The following MMP26 variants were observed in gnomAD, a reference collection of about 807,000 sequenced individuals.
MMP26 encodes matrix metalloproteinase-26.
Under a neutral mutation model 31.0 loss-of-function variants are expected in MMP26, and 33 were observed. The observed-to-expected ratio is 1.06, with a 90% confidence interval of 0.81 to 1.42. The LOEUF is 1.42. MMP26 is among the 40% of genes most tolerant of loss of function. The pLI is 0.00. For missense variants in MMP26, 347 were observed against 316.1 expected (o/e 1.10, Z -0.74); for synonymous variants, 122 against 114.9 (o/e 1.06, Z -0.40).
At chr11:4,815,072 A>G (rs1179463742) in intron 2 of MMP26, among the ~76,000 whole-genome samples, 2 of 152,198 alleles carry the variant, frequency 1.3e-5, no homozygotes, top group African/African-American at 4.8e-5. Flanking sequence ...AGGAGCTTCC[A>G]GGTAATAGGA....
chr11:4,944,110 G>T (rs1395794284), intron 2 of MMP26: 3 of 455,340 alleles, frequency 6.6e-6, no homozygotes, highest in Non-Finnish European at 1.3e-5. Context: ...GTATTTGTAA[G>T]GTTTTGGAAA....
At chr11:4,709,461 T>G (rs1246088465) in intron 1 of MMP26, 1 of 354,506 alleles carries the variant, frequency 2.8e-6, no homozygotes, top group Non-Finnish European at 5.5e-6. Flanking sequence ...TGTGGTTCTC[T>G]AGTGATCACA....
intron 2 of MMP26, chr11:4,769,749 G>A: frequency 6.2e-7 from 1 of 1,613,948 alleles, no homozygotes. Flanking sequence ...GGTTCATGGA[G>A]ACTCTGCTGG....
In MMP26 at chr11:4,924,068, G is replaced by A; in HGVS notation, c.-144-64000G>A. On this transcript the variant is annotated intron_variant, in intron 2 of 7. Transcript: ENST00000380390. ...ACAGGCAGGGATGCCAATCTCTCTG[G>A]TATCAAACCAGAAAATGCCCAGCAC... 1.9e-6 allele frequency: 3 copies of A among 1,614,138 alleles called. No individual in the cohort carries two copies. The highest frequency in any genetic ancestry group is 2.5e-6 in the Non-Finnish European group (3 of 1,180,034).
chr11:4,759,010 C>G (rs1302510091), intron 1 of MMP26, among the ~76,000 whole-genome samples: 1 of 147,866 alleles, frequency 6.8e-6, no homozygotes, highest in Admixed American at 6.9e-5. Flanking sequence ...ACCTGGGAGG[C>G]TGAGGCAGGA....
At chr11:4,867,438 T>G (rs997770980) in intron 2 of MMP26, among the ~76,000 whole-genome samples, 4 of 141,454 alleles carry the variant, frequency 2.8e-5, no homozygotes, top group Non-Finnish European at 6.1e-5. Context: ...TTGCCCAGGC[T>G]GGAGTGCAGT....
intron 2 of MMP26, among the ~76,000 whole-genome samples, chr11:4,777,517 C>T (rs1431343880): frequency 6.6e-6 from 1 of 152,108 alleles, no homozygotes; most frequent in Non-Finnish European, 1.5e-5. Context: ...TACAAGCAAA[C>T]TGGTTGAATT....
At chr11:4,907,484 A>G (rs375007040) in intron 2 of MMP26, 1 of 1,613,846 alleles carries the variant, frequency 6.2e-7, no homozygotes, top group African/African-American at 1.3e-5. Flanking sequence ...CCTGCTTGCC[A>G]TCATGGGCAA....
chr11:4,750,411 C>T (rs957942019), intron 1 of MMP26, among the ~76,000 whole-genome samples: 13 of 152,050 alleles, frequency 8.5e-5, no homozygotes, highest in Admixed American at 6.6e-4. Flanking sequence ...CTGGCAATTC[C>T]ACTACTGAGT....
chr11:4,856,296 G>GA lies in MMP26; in HGVS notation c.-145+88956dup, dbSNP rs546215016. On this transcript the variant is annotated intron_variant, in intron 2 of 7. Coordinates refer to ENST00000380390, the MANE Select transcript of MMP26 (RefSeq NM_021801.5). ...ACTGGCAAATTGGATAAACAGTCAA[G>GA]ACCCATCAGTGTGCTGTATTCAGGA... Among the ~76,000 whole-genome samples the GA allele has an allele frequency of 9.5e-3, 1,452 of 152,242 alleles. 29 individuals carry two copies. The highest frequency in any genetic ancestry group is 0.033 in the African/African-American group (1,381 of 41,524).
At chr11:4,820,395 G>A (rs1341864747) in intron 2 of MMP26, among the ~76,000 whole-genome samples, 4 of 151,816 alleles carry the variant, frequency 2.6e-5, no homozygotes, top group African/African-American at 9.7e-5. Context: ...TGGCTATTGT[G>A]TTTTTTTTAT....
At chr11:4,795,121 A>G (rs1849088160) in intron 2 of MMP26, 1 of 152,254 alleles carries the variant, frequency 6.6e-6, no homozygotes, top group Non-Finnish European at 1.5e-5. Flanking sequence ...TCACTCATCA[A>G]ACTTAGAAGC....
intron 2 of MMP26, among the ~76,000 whole-genome samples, chr11:4,800,868 C>CCAGAT (rs751626455): frequency 0.12 from 18,925 of 152,016 alleles, 2,315 homozygotes; most frequent in African/African-American, 0.31. Flanking sequence ...CTTTTAAGTT[C>CCAGAT]AAACTTTCAT....
chr11:4,974,041 G>C lies in MMP26; in HGVS notation c.-144-14027G>C, dbSNP rs371904290. ...ATTCTTAGACACAAACCTAAAAGGA[G>C]AAATAGATAGGTAGACTCAACTAGA... On this transcript the variant is annotated intron_variant, in intron 2 of 7. Coordinates refer to ENST00000380390, the MANE Select transcript of MMP26 (RefSeq NM_021801.5). 2.0e-5 allele frequency among the ~76,000 whole-genome samples: 3 copies of C among 151,848 alleles called. No homozygotes were observed. The East Asian group carries it at 5.8e-4, about 29-fold the overall frequency.
intron 2 of MMP26, chr11:4,923,243 C>G (rs1202826236): frequency 6.3e-6 from 5 of 788,050 alleles, no homozygotes; most frequent in Non-Finnish European, 9.6e-6. Flanking sequence ...CTCCTGGTCA[C>G]ACTGCCTTAT....
intron 2 of MMP26, among the ~76,000 whole-genome samples, chr11:4,909,883 C>A (rs987109888): frequency 6.6e-6 from 1 of 152,120 alleles, no homozygotes; most frequent in Non-Finnish European, 1.5e-5. Context: ...TCTTTGTCAA[C>A]ATTCTCTGTC....
intron 2 of MMP26, chr11:4,889,559 T>G (rs1850588301): frequency 1.3e-5 from 2 of 152,380 alleles, no homozygotes; most frequent in South Asian, 4.1e-4. Context: ...TTTTCTCTCC[T>G]GATCTTGTAC....
intron 2 of MMP26, among the ~76,000 whole-genome samples, chr11:4,805,855 C>T (rs1012877431): frequency 6.6e-6 from 1 of 152,142 alleles, no homozygotes; most frequent in African/African-American, 2.4e-5. Flanking sequence ...TGATCACTAT[C>T]AATCTCAGAA....
chr11:4,710,406 A>G (rs1255909228), intron 1 of MMP26: 1 of 456,864 alleles, frequency 2.2e-6, no homozygotes, highest in Non-Finnish European at 4.4e-6. Context: ...GCTCATTGCC[A>G]ATGTTTATCT....
Sources: allele counts gnomAD v4.1 joint callset (sites outside exome capture counted in the v4.1 genomes callset), GRCh38; gene constraint gnomAD v4.1.1; transcripts MANE v1.5; gene names NCBI Gene and HGNC (gene_info 2026-07-23, HGNC 2026-07-21).